Variants in CYRIA observed in about 807,000 individuals in gnomAD.
CYRIA encodes CYFIP related Rac1 interactor A, also known as CYFIP-related Rac1 interactor A.
In CYRIA, 15 loss-of-function variants were observed where a neutral mutation model predicts 43.9. The ratio of observed to expected loss-of-function variants is 0.34; its 90% CI spans 0.23 to 0.53. CYRIA has a LOEUF of 0.53. Ranked by LOEUF, CYRIA falls within the 20% of genes least tolerant of loss-of-function variation. The probability of loss-of-function intolerance (pLI) is 0.94; values close to 1 mark genes in which losing one functional copy is unlikely to be tolerated. For missense variants in CYRIA, 236 were observed against 394.2 expected (o/e 0.60, Z 3.40); for synonymous variants, 117 against 136.0 (o/e 0.86, Z 0.97).
rs116807261 is a variant in CYRIA at position 16,586,150 on chromosome 2, C to T, written c.70+1900G>A. ...TTAGGGTTTCCAAAACAAACAAGCA[C>T]GTTAGTCTCCTACTCCCAGGCCTTT... On this transcript the variant is annotated intron_variant, in intron 3 of 11. Transcript: ENST00000381323. Among the ~76,000 whole-genome samples, 849 of 152,156 alleles carry T rather than the reference C, an allele frequency of 5.6e-3. 11 individuals are homozygous for T. The highest frequency in any genetic ancestry group is 0.019 in the African/African-American group (772 of 41,518).
rs1324415982 is a variant in CYRIA, at chr2:16,604,541, T to G, written c.-10-16412A>C. On this transcript the variant is annotated intron_variant, in intron 2 of 11. Coordinates refer to ENST00000381323, the MANE Select transcript of CYRIA (RefSeq NM_030797.4). Reference sequence around the variant, plus strand: ...GTTTACAACATGTACACCATCTGACTGTTTTGAATTACAAGCAAAACAAAC... The same window carrying G: ...GTTTACAACATGTACACCATCTGACGGTTTTGAATTACAAGCAAAACAAAC... 5.3e-5 allele frequency among the ~76,000 whole-genome samples: 8 copies of G among 152,274 alleles called. No individual in the cohort carries two copies. In the South Asian group the frequency reaches 1.7e-3, roughly 32 times the overall value.
chr2:16,565,519 C>T (rs976142161), intron 4 of CYRIA, 127 bp downstream of exon 4: 1 of 1,183,742 alleles, frequency 8.4e-7, no homozygotes, highest in Non-Finnish European at 1.1e-6. Context: ...CATTACCCTC[C>T]TTGTTCTTCC....
chr2:16,569,556 C>T (rs1667056698), intron 3 of CYRIA, among the ~76,000 whole-genome samples: 1 of 152,194 alleles, frequency 6.6e-6, no homozygotes, highest in Non-Finnish European at 1.5e-5. Flanking sequence ...ACAGTTCCTG[C>T]CTTCTGGGCC....
At chr2:16,567,458 T>C (rs113173443) in intron 3 of CYRIA, among the ~76,000 whole-genome samples, 5,838 of 151,868 alleles carry the variant, frequency 0.038, 348 homozygotes, top group African/African-American at 0.12. Context: ...AAGACAGAAT[T>C]CACAAGATAA....
At chr2:16,638,658 C>T (rs1332392882) in intron 1 of CYRIA, among the ~76,000 whole-genome samples, 4 of 152,140 alleles carry the variant, frequency 2.6e-5, no homozygotes, top group Non-Finnish European at 5.9e-5. Flanking sequence ...GCTGGGCGGA[C>T]CACAGAGGGC....
chr2:16,610,936 A>ATATATC lies in CYRIA; in HGVS notation c.-11+12927_-11+12928insGATATA, dbSNP rs1213859384. Among the ~76,000 whole-genome samples, 11 of 127,934 alleles carry ATATATC rather than the reference A, an allele frequency of 8.6e-5. No homozygotes were observed. The South Asian group carries it at 2.2e-3, about 26-fold the overall frequency. 83.9% of individuals were successfully genotyped at this position (127,934 alleles called of 152,430 possible). A position where few individuals can be genotyped will look rare whatever the true frequency, so the allele number is the denominator to read the frequency against. Reference sequence around the variant, plus strand: ...TATATATATATATATATATATATATATCCTGTATATCTTGCATATATTTCT... The same window carrying ATATATC: ...TATATATATATATATATATATATATATATATCTCCTGTATATCTTGCATATATTTCT... On this transcript the variant is annotated intron_variant, in intron 2 of 11. Transcript: ENST00000381323.
At chr2:16,617,286 C>T (rs1237597663) in intron 2 of CYRIA, among the ~76,000 whole-genome samples, 2 of 152,188 alleles carry the variant, frequency 1.3e-5, no homozygotes, top group African/African-American at 4.8e-5. Flanking sequence ...CACGATTCTT[C>T]ATAACTCCTC....
chr2:16,582,367 G>T (rs776954380), intron 3 of CYRIA, among the ~76,000 whole-genome samples: 1 of 152,048 alleles, frequency 6.6e-6, no homozygotes, highest in African/African-American at 2.4e-5. Flanking sequence ...TTTAATTCAC[G>T]TGCCATACGA....
At chr2:16,566,504 G>A (rs894074534) in intron 3 of CYRIA, among the ~76,000 whole-genome samples, 3 of 152,172 alleles carry the variant, frequency 2.0e-5, no homozygotes, top group Non-Finnish European at 2.9e-5. Context: ...TATGTAGAGA[G>A]CACTTCTCAT....
intron 1 of CYRIA, among the ~76,000 whole-genome samples, chr2:16,659,571 T>C (rs1397615144): frequency 6.6e-6 from 1 of 152,182 alleles, no homozygotes; most frequent in Non-Finnish European, 1.5e-5. Flanking sequence ...ACCCCGGGTC[T>C]TCTTGGACTC....
intron 9 of CYRIA, 47 bp from the exon 10 acceptor site, chr2:16,559,633 G>T: frequency 6.3e-7 from 1 of 1,594,506 alleles, no homozygotes; most frequent in Non-Finnish European, 8.5e-7. Context: ...GTCAGAACAT[G>T]TGCGTTCTTT....
chr2:16,583,116 G>C (rs1427987606), intron 3 of CYRIA, among the ~76,000 whole-genome samples: 6 of 152,176 alleles, frequency 3.9e-5, no homozygotes, highest in Non-Finnish European at 5.9e-5. Flanking sequence ...ACTAATGATA[G>C]TGAACATCTT....
chr2:16,638,220 C>A (rs1669560914), intron 1 of CYRIA, among the ~76,000 whole-genome samples: 1 of 152,190 alleles, frequency 6.6e-6, no homozygotes, highest in Non-Finnish European at 1.5e-5. Context: ...TCCTGAATTT[C>A]TTCCACCCCT....
rs2103412193 is a variant in CYRIA, at chr2:16,562,077, C to A, written c.363G>T (p.Leu121=). The change falls in exon 6 of 12, where the codon CTG becomes CTT. Residue 121 remains leucine, a synonymous_variant. Coordinates refer to ENST00000381323, the MANE Select transcript of CYRIA (RefSeq NM_030797.4). ...TCPPYTPTQH[L]EREQALAKEF... ...CCTTTGCCAGGGCCTGTTCCCTTTC[C>A]AGGTGTTGGGTTGGTGTGTAGGGTG... 1 of 1,613,562 alleles carries A rather than the reference C, an allele frequency of 6.2e-7. No homozygotes were observed. Among genetic ancestry groups the A allele is most frequent in the Non-Finnish European group, 8.5e-7 (1 of 1,179,632 alleles).
chr2:16,635,218 G>A (rs1669457953), intron 1 of CYRIA, among the ~76,000 whole-genome samples: 1 of 152,170 alleles, frequency 6.6e-6, no homozygotes, highest in Non-Finnish European at 1.5e-5. Flanking sequence ...GCACAGGAAA[G>A]CCCCTCTTCC....
chr2:16,614,439 C>T (rs925249719), intron 2 of CYRIA, among the ~76,000 whole-genome samples: 4 of 152,206 alleles, frequency 2.6e-5, no homozygotes, highest in Non-Finnish European at 2.9e-5. Context: ...GATGACTCAG[C>T]GATGCTCTAT....
chr2:16,645,622 T>C (rs138304883), intron 1 of CYRIA, among the ~76,000 whole-genome samples: 2 of 152,328 alleles, frequency 1.3e-5, no homozygotes, highest in Non-Finnish European at 1.5e-5. Flanking sequence ...CCTATGACTC[T>C]AATATAAGGT....
chr2:16,634,046 T>C (rs1669416779), intron 1 of CYRIA, among the ~76,000 whole-genome samples: 1 of 152,102 alleles, frequency 6.6e-6, no homozygotes, highest in Non-Finnish European at 1.5e-5. Flanking sequence ...ACAGAATGAC[T>C]AGGAGCACAT....
At chr2:16,599,740 C>T (rs1383253978) in intron 2 of CYRIA, among the ~76,000 whole-genome samples, 1 of 151,998 alleles carries the variant, frequency 6.6e-6, no homozygotes, top group Admixed American at 6.6e-5. Context: ...TCCTATTCGG[C>T]CATCTTGGCT....
Sources: allele counts gnomAD v4.1 joint callset (sites outside exome capture counted in the v4.1 genomes callset), GRCh38; gene constraint gnomAD v4.1.1; transcripts MANE v1.5; gene names NCBI Gene and HGNC (gene_info 2026-07-23, HGNC 2026-07-21).